LINGO2: variants seen among roughly 807,000 people sequenced by gnomAD.
LINGO2 encodes the protein leucine rich repeat and Ig domain containing 2.
LINGO2 carries 14 observed loss-of-function variants against 30.6 expected under a neutral mutation model. That is an observed-to-expected ratio of 0.46 (90% CI 0.30 to 0.72). The LOEUF (loss-of-function observed/expected upper bound fraction) is 0.72. Among genes scored for constraint, LINGO2 ranks in the 30% least tolerant of loss-of-function variants. The probability of loss-of-function intolerance (pLI) is 0.07; values close to 1 mark genes in which losing one functional copy is unlikely to be tolerated. For missense variants in LINGO2, 729 were observed against 751.7 expected (o/e 0.97, Z 0.35); for synonymous variants, 317 against 288.5 (o/e 1.10, Z -1.00).
chr9:28,216,505 T>C (rs372582942), intron 4 of LINGO2, among the ~76,000 whole-genome samples: 5 of 151,970 alleles, frequency 3.3e-5, no homozygotes, highest in African/African-American at 9.7e-5. Context: ...GGCGGTTGCA[T>C]TGTAAAATGT....
chr9:28,243,057 G>A (rs1213837573), intron 4 of LINGO2, among the ~76,000 whole-genome samples: 1 of 152,080 alleles, frequency 6.6e-6, no homozygotes, highest in Non-Finnish European at 1.5e-5. Flanking sequence ...TGAAGAAACA[G>A]CATCAACTAG....
At chr9:28,511,580 C>T (rs988503383) in intron 1 of LINGO2, among the ~76,000 whole-genome samples, 4 of 152,188 alleles carry the variant, frequency 2.6e-5, no homozygotes, top group Non-Finnish European at 5.9e-5. Context: ...TTATTAAAAT[C>T]CTCCTCTACT....
the LINGO2 span, among the ~76,000 whole-genome samples, chr9:29,042,495 G>C: frequency 6.6e-6 from 1 of 151,882 alleles, no homozygotes; most frequent in South Asian, 2.1e-4. Context: ...CAATAACATG[G>C]ACTACTACTC....
the LINGO2 span, among the ~76,000 whole-genome samples, chr9:28,749,361 A>T: frequency 6.6e-6 from 1 of 152,038 alleles, no homozygotes; most frequent in African/African-American, 2.4e-5. Context: ...AATTTTAAGA[A>T]TATTTACTTT....
At chr9:28,936,309 G>T in the LINGO2 span, among the ~76,000 whole-genome samples, 2 of 152,186 alleles carry the variant, frequency 1.3e-5, no homozygotes, top group Admixed American at 6.5e-5. Context: ...GGGTGTTGTG[G>T]TGTCTTGCCA....
the LINGO2 span, among the ~76,000 whole-genome samples, chr9:28,797,341 TATATATATATATATATATAG>T: frequency 1.4e-5 from 1 of 71,098 alleles, no homozygotes; most frequent in African/African-American, 5.0e-5. Flanking sequence ...TATATATATA[TATATATATATATATATATAG>T]AGAGAGAGAG....
At chr9:29,022,440 A>T in the LINGO2 span, among the ~76,000 whole-genome samples, 2 of 152,152 alleles carry the variant, frequency 1.3e-5, no homozygotes, top group Non-Finnish European at 2.9e-5. Flanking sequence ...ATCGTTTATG[A>T]CAACTGAGGG....
At chr9:29,179,902 G>A in the LINGO2 span, among the ~76,000 whole-genome samples, 1 of 152,158 alleles carries the variant, frequency 6.6e-6, no homozygotes. Context: ...AGGAACTTCT[G>A]AAGTTTTACA....
At chr9:28,372,198 T>C (rs1820929794) in intron 3 of LINGO2, among the ~76,000 whole-genome samples, 1 of 152,258 alleles carries the variant, frequency 6.6e-6, no homozygotes, top group Non-Finnish European at 1.5e-5. Context: ...ATTTAATTGC[T>C]ATATTGAATT....
At chr9:28,657,054 A>G (rs980826092) in intron 1 of LINGO2, among the ~76,000 whole-genome samples, 1 of 152,136 alleles carries the variant, frequency 6.6e-6, no homozygotes, top group Non-Finnish European at 1.5e-5. Context: ...CTGTTTGAAG[A>G]TAACCATACA....
the LINGO2 span, among the ~76,000 whole-genome samples, chr9:29,180,611 A>T: frequency 6.6e-6 from 1 of 152,144 alleles, no homozygotes; most frequent in Non-Finnish European, 1.5e-5. Context: ...CTCCCCCTAT[A>T]TGTGATCACA....
At chr9:28,591,428 C>G (rs925019061) in intron 1 of LINGO2, among the ~76,000 whole-genome samples, 1 of 151,936 alleles carries the variant, frequency 6.6e-6, no homozygotes, top group East Asian at 1.9e-4. Flanking sequence ...ATGACTGTCT[C>G]CCACTTCCAG....
intron 2 of LINGO2, among the ~76,000 whole-genome samples, chr9:28,376,187 T>C (rs1331876): frequency 0.66 from 99,555 of 151,402 alleles, 33,009 homozygotes; most frequent in Non-Finnish European, 0.7. Context: ...TGTTACCCCA[T>C]AAGGTAGGCC....
chr9:28,498,779 C>T (rs10119765), intron 1 of LINGO2, among the ~76,000 whole-genome samples: 18,924 of 152,052 alleles, frequency 0.12, 1,290 homozygotes, highest in East Asian at 0.21. Context: ...GTAGCTGTTC[C>T]TATTCGGCCA....
At chr9:28,144,450 G>A (rs1053721976) in intron 4 of LINGO2, among the ~76,000 whole-genome samples, 24 of 152,236 alleles carry the variant, frequency 1.6e-4, no homozygotes, top group African/African-American at 5.8e-4. Context: ...TACTAGTGAG[G>A]TGCTTATATA....
chr9:28,222,740 A>C (rs1821010444), intron 4 of LINGO2, among the ~76,000 whole-genome samples: 1 of 152,202 alleles, frequency 6.6e-6, no homozygotes, highest in African/African-American at 2.4e-5. Context: ...CTCCACAGTT[A>C]AGGTGCTAAA....
chr9:28,929,091 T>C, the LINGO2 span, among the ~76,000 whole-genome samples: 6,261 of 152,292 alleles, frequency 0.041, 190 homozygotes, highest in Admixed American at 0.082. Context: ...CAGGTGAAGC[T>C]AGATGATATT....
the LINGO2 span, among the ~76,000 whole-genome samples, chr9:28,894,715 T>A: frequency 1.1e-4 from 16 of 152,136 alleles, no homozygotes; most frequent in East Asian, 2.3e-3. Flanking sequence ...TAATTTCCCT[T>A]TAAAATTTAT....
At chr9:28,923,535 G>C in the LINGO2 span, among the ~76,000 whole-genome samples, 3 of 152,160 alleles carry the variant, frequency 2.0e-5, no homozygotes, top group Admixed American at 6.5e-5. Flanking sequence ...ATCTGAAAAA[G>C]AGACATCTGT....
Sources: gnomAD v4.1 joint callset for allele counts (sites outside exome capture counted in the v4.1 genomes callset) on GRCh38, gnomAD v4.1.1 for gene constraint, MANE v1.5 for transcripts, NCBI Gene and HGNC (gene_info 2026-07-23, HGNC 2026-07-21) for gene names.